THRB: variants seen among roughly 807,000 people sequenced by gnomAD.
The protein encoded by THRB is thyroid hormone receptor beta, also known as nuclear receptor subfamily 1 group A member 2.
A neutral mutation model predicts 47.8 loss-of-function variants in THRB; 12 were observed. The observed-to-expected ratio is 0.25, with a 90% CI of 0.16 to 0.41. THRB has a LOEUF of 0.41. THRB is among the 10% of genes least tolerant of loss of function. THRB has a pLI of 1.00. For missense variants in THRB, 348 were observed against 589.2 expected (o/e 0.59, Z 4.24); for synonymous variants, 218 against 212.2 (o/e 1.03, Z -0.24).
intron 3 of THRB, among the ~76,000 whole-genome samples, chr3:24,254,041 TTATTCATAA>T (rs2050949988): frequency 6.6e-6 from 1 of 150,872 alleles, no homozygotes; most frequent in Admixed American, 6.6e-5. Flanking sequence ...CTAGATTTGA[TTATTCATAA>T]CATTTGGGTT....
At chr3:24,286,795 T>C in intron 3 of THRB, among the ~76,000 whole-genome samples, 1 of 152,190 alleles carries the variant, frequency 6.6e-6, no homozygotes, top group East Asian at 1.9e-4. Flanking sequence ...AATACCTTTC[T>C]TTACCTTTAT....
intron 1 of THRB, among the ~76,000 whole-genome samples, chr3:24,359,588 T>G (rs143859666): frequency 0.01 from 1,539 of 152,274 alleles, 27 homozygotes; most frequent in African/African-American, 0.033. Context: ...TTCCTTCTAA[T>G]AGTAGAAAAC....
intron 1 of THRB, among the ~76,000 whole-genome samples, chr3:24,486,811 T>TG (rs1386891338): frequency 4.6e-5 from 7 of 152,206 alleles, no homozygotes; most frequent in African/African-American, 1.7e-4. Context: ...TCCTTTTTTT[T>TG]TAAAGAAAAA....
chr3:24,183,368 C>CTTTTTTTTTTTTTT (rs1193344905), intron 5 of THRB, among the ~76,000 whole-genome samples: 7 of 84,272 alleles, frequency 8.3e-5, no homozygotes, highest in Admixed American at 1.5e-4. Context: ...TTTTTCTTTT[C>CTTTTTTTTTTTTTT]TTTTTTTTTT....
intron 5 of THRB, among the ~76,000 whole-genome samples, chr3:24,185,014 T>C (rs2042389711): frequency 6.6e-6 from 1 of 152,276 alleles, no homozygotes; most frequent in Admixed American, 6.5e-5. Flanking sequence ...TTTGTTATTT[T>C]GGTAAATGAG....
chr3:24,166,738 A>G (rs1477707906), intron 5 of THRB, among the ~76,000 whole-genome samples: 1 of 152,004 alleles, frequency 6.6e-6, no homozygotes, highest in Non-Finnish European at 1.5e-5. Flanking sequence ...TTACGTTTAC[A>G]TTTGGCTTCC....
intron 1 of THRB, among the ~76,000 whole-genome samples, chr3:24,474,552 G>C (rs1034052319): frequency 2.6e-5 from 4 of 152,194 alleles, no homozygotes. Flanking sequence ...CTTTGTGATA[G>C]TCTACCAGAA....
chr3:24,477,802 A>T (rs1695715095), intron 1 of THRB, among the ~76,000 whole-genome samples: 1 of 151,586 alleles, frequency 6.6e-6, no homozygotes. Context: ...ATCTTTATCC[A>T]ATTTCCTTTC....
intron 3 of THRB, among the ~76,000 whole-genome samples, chr3:24,267,780 C>T (rs557279097): frequency 6.6e-6 from 1 of 152,248 alleles, no homozygotes; most frequent in South Asian, 2.1e-4. Context: ...TATAAATTCC[C>T]ACTTGCCCAC....
intron 1 of THRB, among the ~76,000 whole-genome samples, chr3:24,363,297 C>G (rs978856102): frequency 5.3e-5 from 8 of 152,120 alleles, no homozygotes; most frequent in Non-Finnish European, 1.5e-5. Flanking sequence ...GCAAACATGT[C>G]CCCAGGACTC....
At chr3:24,296,894 G>T (rs1490351061) in intron 3 of THRB, among the ~76,000 whole-genome samples, 1 of 152,194 alleles carries the variant, frequency 6.6e-6, no homozygotes, top group Non-Finnish European at 1.5e-5. Flanking sequence ...CCTTTAGCAA[G>T]GTGATTTCTC....
At chr3:24,386,940 G>A (rs1331236414) in intron 1 of THRB, among the ~76,000 whole-genome samples, 2 of 152,036 alleles carry the variant, frequency 1.3e-5, no homozygotes, top group African/African-American at 4.8e-5. Flanking sequence ...TACTTATTAG[G>A]CATTCATATT....
chr3:24,126,041 T>A (rs913297692), intron 10 of THRB, among the ~76,000 whole-genome samples: 1 of 152,190 alleles, frequency 6.6e-6, no homozygotes, highest in African/African-American at 2.4e-5. Context: ...TTTCTTTTTT[T>A]AAAAGTCTGC....
chr3:24,315,400 G>A (rs2058046612), intron 2 of THRB, among the ~76,000 whole-genome samples: 3 of 152,150 alleles, frequency 2.0e-5, no homozygotes, highest in Admixed American at 6.5e-5. Context: ...GCACTTACGT[G>A]GCTAAGCTAT....
chr3:24,351,575 C>A lies in THRB; in HGVS notation c.-260-14204G>T, dbSNP rs116258396. Among the ~76,000 whole-genome samples the A allele has an allele frequency of 4.7e-3, 708 of 152,202 alleles. 6 individuals are homozygous for A. Among genetic ancestry groups the A allele is most frequent in the African/African-American group, 0.016 (659 of 41,554 alleles). On this transcript the variant is annotated intron_variant, in intron 1 of 10. Transcript: ENST00000646209. ...GCCTTGTTTTCCTTTGCCTTCTCAC[C>A]TTTTGTTCTTATTTAGGTCAACTTC... is the stretch of plus-strand genomic sequence containing the variant.
At chr3:24,164,063 G>T (rs1485816900) in intron 5 of THRB, among the ~76,000 whole-genome samples, 1 of 152,034 alleles carries the variant, frequency 6.6e-6, no homozygotes, top group African/African-American at 2.4e-5. Flanking sequence ...CGTAAATTTG[G>T]TTCTCTATGC....
chr3:24,202,332 T>C (rs1400229171), intron 4 of THRB, among the ~76,000 whole-genome samples: 1 of 152,224 alleles, frequency 6.6e-6, no homozygotes, highest in African/African-American at 2.4e-5. Context: ...CAATGCTGTT[T>C]CAAATTCTGA....
At chr3:24,416,048 A>G (rs1334468523) in intron 1 of THRB, among the ~76,000 whole-genome samples, 3 of 152,038 alleles carry the variant, frequency 2.0e-5, no homozygotes, top group East Asian at 2.0e-4. Flanking sequence ...TTGTTACATA[A>G]TATAATTATG....
intron 1 of THRB, among the ~76,000 whole-genome samples, chr3:24,482,658 G>T (rs959672642): frequency 1.3e-5 from 2 of 151,684 alleles, no homozygotes; most frequent in South Asian, 2.1e-4. Context: ...AAGAGAAGGG[G>T]GTTTCTCTTC....
Sources: allele counts gnomAD v4.1 joint callset (sites outside exome capture counted in the v4.1 genomes callset), GRCh38; gene constraint gnomAD v4.1.1; transcripts MANE v1.5; gene names NCBI Gene and HGNC (gene_info 2026-07-23, HGNC 2026-07-21).